DLD: variants seen among roughly 807,000 people sequenced by gnomAD.
DLD encodes the protein dihydrolipoyl dehydrogenase, mitochondrial.
Under a neutral mutation model 62.2 loss-of-function variants are expected in DLD, and 36 were observed. The observed-to-expected ratio is 0.58, with a 90% CI of 0.44 to 0.76. DLD has a LOEUF of 0.76. Ranked by LOEUF, DLD falls within the 30% of genes least tolerant of loss-of-function variation. DLD has a pLI of 0.00. For missense variants in DLD, 541 were observed against 608.6 expected (o/e 0.89, Z 1.17); for synonymous variants, 204 against 199.6 (o/e 1.02, Z -0.19).
intron 4 of DLD, among the ~76,000 whole-genome samples, chr7:107,902,894 T>A (rs868655010): frequency 2.2e-4 from 34 of 152,226 alleles, no homozygotes; most frequent in African/African-American, 7.5e-4. Context: ...TGAATTGGTG[T>A]AGTGCCATAT....
intron 8 of DLD, among the ~76,000 whole-genome samples, chr7:107,911,147 C>T (rs886299751): frequency 4.6e-5 from 7 of 152,120 alleles, no homozygotes; most frequent in Non-Finnish European, 7.4e-5. Flanking sequence ...AGCAGTCATT[C>T]TCCATTTCTC....
intron 7 of DLD, chr7:107,905,861 C>G: frequency 3.0e-6 from 1 of 332,710 alleles, no homozygotes; most frequent in South Asian, 3.1e-5. Flanking sequence ...ACTGAGATCA[C>G]AGTTTATAAA....
At chr7:107,901,897 C>A in intron 3 of DLD, 80 bp downstream of exon 3, 2 of 1,147,224 alleles carry the variant, frequency 1.7e-6, no homozygotes, top group African/African-American at 1.5e-5. Flanking sequence ...ACTTTGCAGG[C>A]AAAAACATGG....
chr7:107,915,724 T>G (rs745317019), intron 9 of DLD, 28 bp downstream of exon 9: 1 of 1,597,898 alleles, frequency 6.3e-7, no homozygotes, highest in East Asian at 2.2e-5. Context: ...GTTTTTGATG[T>G]ATCATCCCTG....
intron 5 of DLD, 95 bp downstream of exon 5, chr7:107,903,642 A>G: frequency 1.5e-6 from 1 of 679,938 alleles, no homozygotes; most frequent in South Asian, 1.5e-5. Context: ...CGCATAATAG[A>G]TGTTTAGTGA....
intron 8 of DLD, among the ~76,000 whole-genome samples, chr7:107,913,724 C>G (rs1415609812): frequency 6.6e-6 from 1 of 152,056 alleles, no homozygotes; most frequent in African/African-American, 2.4e-5. Flanking sequence ...CCCTTTGTTT[C>G]TTTCTCCTCT....
chr7:107,896,370 T>G (rs1344220932), intron 2 of DLD, among the ~76,000 whole-genome samples: 1 of 151,888 alleles, frequency 6.6e-6, no homozygotes, highest in African/African-American at 2.4e-5. Flanking sequence ...GATCTTAACA[T>G]GCGTACTCTC....
intron 8 of DLD, 120 bp from the exon 9 acceptor site, chr7:107,915,386 T>C: frequency 2.9e-6 from 3 of 1,034,476 alleles, no homozygotes; most frequent in Non-Finnish European, 4.3e-6. Flanking sequence ...ACCTCGGAGC[T>C]TCTCATAGGA....
At chr7:107,905,530 C>G (rs1330383643) in intron 7 of DLD, 26 bp downstream of exon 7, 1 of 1,609,352 alleles carries the variant, frequency 6.2e-7, no homozygotes, top group Non-Finnish European at 8.5e-7. Flanking sequence ...AATTTACAAC[C>G]ATTACAACTT....
chr7:107,915,781 T>C lies in DLD; in HGVS notation c.875+85T>C, dbSNP rs147239863. On this transcript the variant is annotated intron_variant, in intron 9 of 13. Coordinates refer to ENST00000205402, the MANE Select transcript of DLD (RefSeq NM_000108.5). ...AGTTTCAAAATCAGTTTAGCAAATATAGGGTTTTTTCTAACTTAAGGTCAT... is the reference window on the plus strand; with the variant it reads ...AGTTTCAAAATCAGTTTAGCAAATACAGGGTTTTTTCTAACTTAAGGTCAT... 6.4e-5 allele frequency: 80 copies of C among 1,254,392 alleles called. No homozygotes were observed. The African/African-American group carries it at 1.0e-3, about 16-fold the overall frequency. 77.7% of individuals were successfully genotyped at this position (1,254,392 alleles called of 1,614,324 possible).
At chr7:107,892,862 A>G (rs763036705) in intron 1 of DLD, among the ~76,000 whole-genome samples, 2 of 152,230 alleles carry the variant, frequency 1.3e-5, no homozygotes, top group African/African-American at 2.4e-5. Context: ...GCTTTATGAC[A>G]TTAAAATGAT....
chr7:107,905,429 C>T lies in DLD; in HGVS notation c.507C>T (p.Gly169=), dbSNP rs144351432. The change falls in exon 7 of 14, where the codon GGC becomes GGT. Residue 169 remains glycine, a synonymous_variant. Transcript: ENST00000205402. ...AAGTCACTGCTACGAAAGCTGATGGCGGCACTCAGGTTATTGATACAAAGA... is the reference window on the plus strand; with the variant it reads ...AAGTCACTGCTACGAAAGCTGATGGTGGCACTCAGGTTATTGATACAAAGA... The part of the protein sequence containing the change: ...KNQVTATKAD[G]GTQVIDTKNI... 705 of 1,613,528 alleles carry T rather than the reference C, an allele frequency of 4.4e-4. 3 individuals carry two copies. The African/African-American group carries it at 7.1e-3, about 16-fold the overall frequency.
Position 107,921,039 on chromosome 7 carries a change from A to G in DLD, c.*1780A>G, listed in dbSNP as rs1358817336. 1 of 152,248 alleles carries G rather than the reference A, an allele frequency of 6.6e-6. No individual in the cohort carries two copies. The highest frequency in any genetic ancestry group is 1.9e-4 in the East Asian group (1 of 5,328). The allele number at this position is 152,248 out of a possible 1,614,324, so 9.4% of individuals were successfully genotyped here. A position where few individuals can be genotyped will look rare whatever the true frequency, so the allele number is the denominator to read the frequency against. ...ATCTCAACATATCCCTTACTCAGGGAAAAAAAAGTTTTTAGTTAGGGAATA... is the reference window on the plus strand; with the variant it reads ...ATCTCAACATATCCCTTACTCAGGGGAAAAAAAGTTTTTAGTTAGGGAATA... On this transcript the variant is annotated 3_prime_UTR_variant, in exon 14 of 14. Coordinates refer to ENST00000205402, the MANE Select transcript of DLD (RefSeq NM_000108.5).
intron 7 of DLD, 185 bp downstream of exon 7, chr7:107,905,689 T>C (rs1452133064): frequency 4.8e-6 from 3 of 622,748 alleles, no homozygotes; most frequent in Non-Finnish European, 5.6e-6. Context: ...TAGAACACTT[T>C]ATATTAAGAT....
intron 13 of DLD, 36 bp downstream of exon 13, chr7:107,919,135 T>A (rs1218047706): frequency 1.2e-6 from 2 of 1,611,914 alleles, no homozygotes; most frequent in South Asian, 2.2e-5. Flanking sequence ...GATGGTTGCC[T>A]AAATTTTCTT....
At chr7:107,906,106 A>C (rs763175857) in intron 7 of DLD, among the ~76,000 whole-genome samples, 161 bp from the exon 8 acceptor site, 2 of 152,176 alleles carry the variant, frequency 1.3e-5, no homozygotes, top group Non-Finnish European at 2.9e-5. Flanking sequence ...CAAAAAAACC[A>C]TGTGTACATG....
At chr7:107,899,151 G>A (rs999439696) in intron 2 of DLD, among the ~76,000 whole-genome samples, 3 of 151,988 alleles carry the variant, frequency 2.0e-5, no homozygotes, top group African/African-American at 7.3e-5. Context: ...CATCAGTGCA[G>A]ACGTGTGTAT....
At chr7:107,909,827 T>A (rs2032096328) in intron 8 of DLD, among the ~76,000 whole-genome samples, 1 of 149,504 alleles carries the variant, frequency 6.7e-6, no homozygotes, top group Non-Finnish European at 1.5e-5. Context: ...ATTGGGTTGA[T>A]GGGAGAATTA....
intron 4 of DLD, among the ~76,000 whole-genome samples, 179 bp downstream of exon 4, chr7:107,902,572 A>G (rs2031904482): frequency 6.6e-6 from 1 of 152,262 alleles, no homozygotes; most frequent in Admixed American, 6.5e-5. Context: ...AAACTTAAAG[A>G]GTGCTGTCAC....
Sources: allele counts gnomAD v4.1 joint callset (sites outside exome capture counted in the v4.1 genomes callset), GRCh38; gene constraint gnomAD v4.1.1; transcripts MANE v1.5; gene names NCBI Gene and HGNC (gene_info 2026-07-23, HGNC 2026-07-21).